Variants in HPSE2 observed in about 807,000 individuals in gnomAD.
HPSE2 encodes the protein inactive heparanase-2.
In HPSE2, 38 loss-of-function variants were observed where a neutral mutation model predicts 60.5. That is an observed-to-expected ratio of 0.63 (90% CI 0.48 to 0.82). The LOEUF (loss-of-function observed/expected upper bound fraction) is 0.82, where lower values mean the gene tolerates loss of function less well. Among genes scored for constraint, HPSE2 ranks in the 40% least tolerant of loss-of-function variants. HPSE2 has a pLI of 0.00. For synonymous variants in HPSE2, 295 were observed against 293.2 expected, an observed-to-expected ratio of 1.01 and a Z score of -0.06; for missense variants, 713 against 740.4, an observed-to-expected ratio of 0.96 and a Z score of 0.43.
intron 3 of HPSE2, among the ~76,000 whole-genome samples, chr10:98,751,550 C>T (rs1949758923): frequency 6.6e-6 from 1 of 152,032 alleles, no homozygotes; most frequent in Non-Finnish European, 1.5e-5. Flanking sequence ...GGCACATGAT[C>T]CAGACCCTTA....
intron 9 of HPSE2, among the ~76,000 whole-genome samples, chr10:98,600,676 C>T (rs1248707136): frequency 6.6e-6 from 1 of 151,206 alleles, no homozygotes; most frequent in Non-Finnish European, 1.5e-5. Context: ...TAATTAAATG[C>T]TGTATGTATT....
intron 3 of HPSE2, among the ~76,000 whole-genome samples, chr10:99,077,906 T>C (rs1189230948): frequency 1.3e-5 from 2 of 152,154 alleles, no homozygotes. Context: ...GTTTGAGTCA[T>C]GGAGGTGGAT....
intron 11 of HPSE2, among the ~76,000 whole-genome samples, chr10:98,464,237 G>A (rs1354271143): frequency 1.3e-5 from 2 of 152,146 alleles, no homozygotes; most frequent in Non-Finnish European, 2.9e-5. Context: ...TTTTTTGGGG[G>A]AGGGAGGTAT....
upstream of HPSE2, among the ~76,000 whole-genome samples, chr10:99,236,097 A>T (rs1352714321): frequency 1.3e-5 from 2 of 148,206 alleles, no homozygotes; most frequent in Non-Finnish European, 3.0e-5. Flanking sequence ...GACTCTTGCC[A>T]AGAGAACTCG....
At chr10:98,969,422 CCAGTGCCAA>C (rs1955894544) in intron 3 of HPSE2, among the ~76,000 whole-genome samples, 1 of 152,116 alleles carries the variant, frequency 6.6e-6, no homozygotes, top group Non-Finnish European at 1.5e-5. Flanking sequence ...GGTCTGAGGC[CCAGTGCCAA>C]CTATTTTTGC....
chr10:99,168,307 T>C (rs2133793438), intron 2 of HPSE2, among the ~76,000 whole-genome samples: 1 of 152,330 alleles, frequency 6.6e-6, no homozygotes, highest in South Asian at 2.1e-4. Flanking sequence ...TATTCATAGG[T>C]ACTTTGAGTT....
chr10:98,580,464 T>C (rs2133919493), intron 9 of HPSE2, among the ~76,000 whole-genome samples: 1 of 152,276 alleles, frequency 6.6e-6, no homozygotes, highest in Non-Finnish European at 1.5e-5. Flanking sequence ...CTTTATGTTC[T>C]GTATTTGGGG....
intron 9 of HPSE2, among the ~76,000 whole-genome samples, chr10:98,600,882 TACATATATAC>T (rs1945388668): frequency 6.5e-5 from 9 of 139,058 alleles, no homozygotes; most frequent in African/African-American, 2.4e-4. Context: ...TATGTATATA[TACATATATAC>T]GTATATATAT....
chr10:99,191,646 C>T (rs746813918), intron 2 of HPSE2, among the ~76,000 whole-genome samples: 5 of 152,170 alleles, frequency 3.3e-5, no homozygotes, highest in African/African-American at 7.2e-5. Flanking sequence ...ACGTGGAAAG[C>T]GTTCCCAAGA....
At chr10:98,635,994 T>C (rs1565036443) in intron 7 of HPSE2, among the ~76,000 whole-genome samples, 1 of 151,814 alleles carries the variant, frequency 6.6e-6, no homozygotes, top group Non-Finnish European at 1.5e-5. Context: ...CGCATAAAAG[T>C]AGAGAGTAAA....
intron 3 of HPSE2, among the ~76,000 whole-genome samples, chr10:98,886,358 A>G (rs1412917241): frequency 6.6e-6 from 1 of 152,156 alleles, no homozygotes; most frequent in East Asian, 1.9e-4. Flanking sequence ...CTAATAGAAC[A>G]TATTTAAAAA....
intron 9 of HPSE2, among the ~76,000 whole-genome samples, chr10:98,511,554 TGGTGTG>T (rs1254723427): frequency 6.0e-5 from 6 of 99,910 alleles, no homozygotes; most frequent in Middle Eastern, 5.6e-3. Context: ...AACATAACTA[TGGTGTG>T]TGTGTGTGTG....
Position 98,490,100 on chromosome 10 carries a change from C to T in HPSE2, c.1417G>A (p.Val473Met), listed in dbSNP as rs758778092. Residue 473 changes from valine (V) to methionine (M), a missense_variant, in exon 10 of 12, where the codon GTG becomes ATG. Transcript: ENST00000370552. ...TAAATCCTTAGTTTGTCCCGGATCACTCGGCCAGGCCGTGGCTTCCGCTGG... is the reference window on the plus strand; with the variant it reads ...TAAATCCTTAGTTTGTCCCGGATCATTCGGCCAGGCCGTGGCTTCCGCTGG... ...GLQRKPRPGR[V>M]IRDKLRIYAH... The T allele has an allele frequency of 5.0e-6, 8 of 1,614,250 alleles. No homozygotes were observed. The Admixed American group carries it at 8.3e-5, about 17-fold the overall frequency.
chr10:98,857,949 T>C lies in HPSE2; in HGVS notation c.611-113893A>G, dbSNP rs142001320. On this transcript the variant is annotated intron_variant, in intron 3 of 11. Coordinates refer to ENST00000370552, the MANE Select transcript of HPSE2 (RefSeq NM_021828.5). ...GCTGTATTTTTATTTGAGAAAAATATAATTTTATAAAGGAAAACCACTGGT... is the reference window on the plus strand; with the variant it reads ...GCTGTATTTTTATTTGAGAAAAATACAATTTTATAAAGGAAAACCACTGGT... Among the ~76,000 whole-genome samples, 104 of 152,312 alleles carry C rather than the reference T, an allele frequency of 6.8e-4. 1 individual carries two copies. Among genetic ancestry groups the C allele is most frequent in the African/African-American group, 2.4e-3 (101 of 41,580 alleles).
chr10:99,051,456 A>T (rs1957989674), intron 3 of HPSE2, among the ~76,000 whole-genome samples: 1 of 152,234 alleles, frequency 6.6e-6, no homozygotes, highest in African/African-American at 2.4e-5. Flanking sequence ...GCCAAATGGT[A>T]CAGAAATCCC....
rs542595344 is a variant in HPSE2 at position 99,112,753 on chromosome 10, A to G, written c.610+31485T>C. Among the ~76,000 whole-genome samples, 11 of 152,346 alleles carry G rather than the reference A, an allele frequency of 7.2e-5. No homozygotes were observed. The South Asian group carries it at 2.1e-3, about 29-fold the overall frequency. Reference sequence around the variant, plus strand: ...ATACTAAGAAAAATGAACAGGTAACATATAATAGCTGAAGCCATTACTTTC... The same window carrying G: ...ATACTAAGAAAAATGAACAGGTAACGTATAATAGCTGAAGCCATTACTTTC... On this transcript the variant is annotated intron_variant, in intron 3 of 11. Coordinates refer to ENST00000370552, the MANE Select transcript of HPSE2 (RefSeq NM_021828.5).
intron 7 of HPSE2, among the ~76,000 whole-genome samples, chr10:98,641,480 G>A (rs552615650): frequency 2.6e-5 from 4 of 151,996 alleles, no homozygotes; most frequent in African/African-American, 9.6e-5. Flanking sequence ...TCAGCTACTC[G>A]GGAAGCTGAG....
intron 3 of HPSE2, among the ~76,000 whole-genome samples, chr10:98,747,329 T>C (rs1158931729): frequency 6.6e-6 from 1 of 152,206 alleles, no homozygotes; most frequent in African/African-American, 2.4e-5. Flanking sequence ...ATGACTGATA[T>C]TCCTTTTGGA....
intron 3 of HPSE2, among the ~76,000 whole-genome samples, chr10:99,097,549 G>C (rs1011058749): frequency 6.6e-6 from 1 of 151,872 alleles, no homozygotes; most frequent in African/African-American, 2.4e-5. Context: ...ATTTTTAAAA[G>C]GTTAATAAAA....
Sources: allele counts gnomAD v4.1 joint callset (sites outside exome capture counted in the v4.1 genomes callset), GRCh38; gene constraint gnomAD v4.1.1; transcripts MANE v1.5; gene names NCBI Gene and HGNC (gene_info 2026-07-23, HGNC 2026-07-21).